The following PTPRG variants were observed in gnomAD, a reference collection of about 807,000 sequenced individuals.
The protein encoded by PTPRG is protein tyrosine phosphatase receptor type G.
In PTPRG, 102 loss-of-function variants were observed where a neutral mutation model predicts 165.3. That is an observed-to-expected ratio of 0.62 (90% confidence interval 0.53 to 0.73). The LOEUF (loss-of-function observed/expected upper bound fraction) is 0.73, where lower values mean the gene tolerates loss of function less well. Among genes scored for constraint, PTPRG ranks in the 30% least tolerant of loss-of-function variants. The probability of loss-of-function intolerance (pLI) is 0.00; values close to 1 mark genes in which losing one functional copy is unlikely to be tolerated. For synonymous variants in PTPRG, 675 were observed against 669.5 expected (o/e 1.01, Z -0.13); for missense variants, 1,866 against 1,861.4 (o/e 1.00, Z -0.05).
At chr3:61,879,503 T>G (rs1163927178) in intron 2 of PTPRG, among the ~76,000 whole-genome samples, 2 of 152,196 alleles carry the variant, frequency 1.3e-5, no homozygotes, top group East Asian at 3.8e-4. Context: ...TTTCTTAATC[T>G]CATTTTTAGG....
chr3:61,754,536 C>T (rs2033569042), intron 2 of PTPRG, among the ~76,000 whole-genome samples: 1 of 152,090 alleles, frequency 6.6e-6, no homozygotes, highest in South Asian at 2.1e-4. Context: ...TGCAGCGTGC[C>T]AGTGTGTCTT....
chr3:61,648,974 C>T (rs1296767579), intron 1 of PTPRG, among the ~76,000 whole-genome samples: 3 of 152,142 alleles, frequency 2.0e-5, no homozygotes, highest in East Asian at 3.8e-4. Flanking sequence ...ATAGACGTTT[C>T]ATATAGTATA....
chr3:61,601,806 G>A (rs1700876559), intron 1 of PTPRG, among the ~76,000 whole-genome samples: 1 of 152,224 alleles, frequency 6.6e-6, no homozygotes, highest in Admixed American at 6.5e-5. Context: ...CAGGAATTGG[G>A]TGGGAGTTGG....
In PTPRG at chr3:61,684,000, C is replaced by G. The variant is rs1703538050; in HGVS notation, c.86-64878C>G. ...ATCCCAGCTCCATGGTACCGTAGGG[C>G]AAGCATGACATAAACATGGTCTTGC... On this transcript the variant is annotated intron_variant, in intron 1 of 29. Transcript: ENST00000474889. Among the ~76,000 whole-genome samples the G allele has an allele frequency of 2.6e-5, 4 of 152,298 alleles. No homozygotes were observed. In the South Asian group the frequency reaches 8.3e-4, roughly 32 times the overall value.
intron 2 of PTPRG, among the ~76,000 whole-genome samples, chr3:61,833,953 TC>T (rs1305766597): frequency 6.6e-6 from 1 of 152,238 alleles, no homozygotes; most frequent in Non-Finnish European, 1.5e-5. Context: ...TTATGGGTCT[TC>T]CTTATTTCTC....
At chr3:61,972,215 C>T (rs2040400670) in intron 2 of PTPRG, among the ~76,000 whole-genome samples, 1 of 152,184 alleles carries the variant, frequency 6.6e-6, no homozygotes. Flanking sequence ...CTGAGGACAG[C>T]AGAAAAATGC....
At chr3:61,741,384 C>T (rs1329589059) in intron 1 of PTPRG, among the ~76,000 whole-genome samples, 1 of 152,146 alleles carries the variant, frequency 6.6e-6, no homozygotes, top group African/African-American at 2.4e-5. Flanking sequence ...TGAGAACCAC[C>T]CACCCATCAC....
rs1700323945 is a variant in PTPRG at position 62,210,134 on chromosome 3, T to C, written c.2155+6184T>C. On this transcript the variant is annotated intron_variant, in intron 12 of 29. Coordinates refer to ENST00000474889, the MANE Select transcript of PTPRG (RefSeq NM_002841.4). This position sits in a 1 kb window ranked among gnomAD's most constrained non-coding sequence, Gnocchi z 4.1. ...TGTTTGAGTCTGGTGAATTAAGCTC[T>C]GCATGAAATGGTAAGGGAGCACTTA... is the stretch of plus-strand genomic sequence containing the variant. Among the ~76,000 whole-genome samples the C allele has an allele frequency of 6.6e-6, 1 of 152,202 alleles. No homozygotes were observed. Among genetic ancestry groups the C allele is most frequent in the Admixed American group, 6.5e-5 (1 of 15,278 alleles).
At chr3:61,604,616 AT>A (rs1700951868) in intron 1 of PTPRG, among the ~76,000 whole-genome samples, 1 of 152,176 alleles carries the variant, frequency 6.6e-6, no homozygotes, top group African/African-American at 2.4e-5. Flanking sequence ...CAAATAAGGA[AT>A]TTGGTAAACT....
chr3:61,597,603 T>A lies in PTPRG; in HGVS notation c.85+35231T>A, dbSNP rs182112870. Among the ~76,000 whole-genome samples, 47 of 152,322 alleles carry A rather than the reference T, an allele frequency of 3.1e-4. No individual in the cohort carries two copies. The East Asian group carries it at 8.9e-3, about 29-fold the overall frequency. On this transcript the variant is annotated intron_variant, in intron 1 of 29. Transcript: ENST00000474889. ...GATTTAATCTTTTTACCATGTAGGATTTGGTTTTAGGTCATTGTCCTGAAC... is the reference window on the plus strand; with the variant it reads ...GATTTAATCTTTTTACCATGTAGGAATTGGTTTTAGGTCATTGTCCTGAAC...
intron 5 of PTPRG, among the ~76,000 whole-genome samples, chr3:62,102,178 T>C (rs1702311055): frequency 1.3e-5 from 2 of 152,170 alleles, no homozygotes; most frequent in South Asian, 4.1e-4. Flanking sequence ...GCATCCTTAG[T>C]GCCTGGTCTA....
At chr3:61,570,057 G>A (rs1263459052) in intron 1 of PTPRG, among the ~76,000 whole-genome samples, 1 of 152,188 alleles carries the variant, frequency 6.6e-6, no homozygotes, top group African/African-American at 2.4e-5. Context: ...TGGTAATGGA[G>A]GGAAATAGGT....
intron 2 of PTPRG, among the ~76,000 whole-genome samples, chr3:61,983,940 ATTTATATGTG>A (rs923533913): frequency 9.8e-5 from 15 of 152,292 alleles, no homozygotes; most frequent in African/African-American, 3.6e-4. Context: ...TTGATTTAAA[ATTTATATGTG>A]TCGACCAAGT....
At chr3:61,982,310 G>A (rs2040659443) in intron 2 of PTPRG, among the ~76,000 whole-genome samples, 1 of 152,126 alleles carries the variant, frequency 6.6e-6, no homozygotes, top group Non-Finnish European at 1.5e-5. Flanking sequence ...TCTATGAGAA[G>A]CAGGAATAAA....
rs1161638714 is a variant in PTPRG at position 61,562,268 on chromosome 3, T to C, written c.-20T>C. On this transcript the variant is annotated 5_prime_UTR_variant, in exon 1 of 30. Transcript: ENST00000474889. ...AAGTTTACCTCCCTGCTTTCCTCTT[T>C]TCGATGTGCGTTTTCGGACATGCGG... The C allele has an allele frequency of 6.2e-6, 10 of 1,610,410 alleles. No homozygotes were observed. Among genetic ancestry groups the C allele is most frequent in the Non-Finnish European group, 8.5e-6 (10 of 1,176,870 alleles).
At chr3:61,696,488 G>A (rs867368290) in intron 1 of PTPRG, among the ~76,000 whole-genome samples, 1 of 152,180 alleles carries the variant, frequency 6.6e-6, no homozygotes, top group Middle Eastern at 3.2e-3. Context: ...GGCGACAAGA[G>A]TGGGATTCCG....
chr3:61,816,624 T>C (rs923073721), intron 2 of PTPRG, among the ~76,000 whole-genome samples: 2 of 152,176 alleles, frequency 1.3e-5, no homozygotes, highest in Admixed American at 6.5e-5. Context: ...CTAGAATTCC[T>C]TGGACATCTT....
intron 9 of PTPRG, among the ~76,000 whole-genome samples, chr3:62,192,399 T>C: frequency 3.3e-5 from 3 of 90,216 alleles, no homozygotes; most frequent in African/African-American, 2.4e-4. Context: ...CTGTCTTTTT[T>C]TTTTTTTTTT....
At chr3:61,855,650 CCT>C (rs2037082411) in intron 2 of PTPRG, among the ~76,000 whole-genome samples, 1 of 118,134 alleles carries the variant, frequency 8.5e-6, no homozygotes, top group Non-Finnish European at 1.7e-5. Context: ...AAAGGGTAGG[CCT>C]TTTTTTTTTT....
Sources: allele counts gnomAD v4.1 joint callset (sites outside exome capture counted in the v4.1 genomes callset), GRCh38; gene constraint gnomAD v4.1.1; non-coding constraint Gnocchi (gnomAD v3.1); transcripts MANE v1.5; gene names NCBI Gene and HGNC (gene_info 2026-07-23, HGNC 2026-07-21).